The following UBAC2 variants were observed in gnomAD, a reference collection of about 807,000 sequenced individuals.
The protein encoded by UBAC2 is ubiquitin-associated domain-containing protein 2.
A neutral mutation model predicts 44.0 loss-of-function variants in UBAC2; 26 were observed. The ratio of observed to expected loss-of-function variants is 0.59; its 90% CI spans 0.43 to 0.82. The LOEUF (loss-of-function observed/expected upper bound fraction) is 0.82. UBAC2 is among the 40% of genes least tolerant of loss of function. The pLI, the probability that UBAC2 is intolerant of heterozygous loss-of-function variation, is 0.00. For synonymous variants in UBAC2, 155 were observed against 154.3 expected (o/e 1.00, Z -0.04); for missense variants, 329 against 419.4 (o/e 0.78, Z 1.88).
intron 1 of UBAC2, among the ~76,000 whole-genome samples, chr13:99,237,916 C>T (rs2043257665): frequency 6.6e-6 from 1 of 152,202 alleles, no homozygotes; most frequent in Non-Finnish European, 1.5e-5. Flanking sequence ...GATTGCGCCA[C>T]TGCACTCCAG....
intron 7 of UBAC2, among the ~76,000 whole-genome samples, chr13:99,364,793 A>G (rs2045309959): frequency 6.6e-6 from 1 of 152,188 alleles, no homozygotes; most frequent in Non-Finnish European, 1.5e-5. Context: ...TGGTTCATTC[A>G]TTCAAACTGC....
chr13:99,263,284 G>A (rs1424867375), intron 4 of UBAC2, among the ~76,000 whole-genome samples: 2 of 152,150 alleles, frequency 1.3e-5, no homozygotes, highest in Non-Finnish European at 2.9e-5. Context: ...TTTTATAGCT[G>A]GATCCTGGCA....
chr13:99,327,136 T>C (rs1435361465), intron 6 of UBAC2, among the ~76,000 whole-genome samples: 2 of 152,222 alleles, frequency 1.3e-5, no homozygotes, highest in Non-Finnish European at 2.9e-5. Flanking sequence ...AGCTTAAACC[T>C]CACCTTCAGC....
At chr13:99,214,683 T>G (rs1271387426) in intron 1 of UBAC2, among the ~76,000 whole-genome samples, 2 of 152,178 alleles carry the variant, frequency 1.3e-5, no homozygotes, top group Non-Finnish European at 2.9e-5. Flanking sequence ...TCTCTTCTAC[T>G]TTTTTGCAGA....
At chr13:99,327,411 A>C (rs1166064995) in intron 6 of UBAC2, among the ~76,000 whole-genome samples, 1 of 152,160 alleles carries the variant, frequency 6.6e-6, no homozygotes, top group African/African-American at 2.4e-5. Context: ...TCAGGAAATT[A>C]AAATTTTTTC....
intron 4 of UBAC2, among the ~76,000 whole-genome samples, chr13:99,311,123 A>G (rs2044406362): frequency 6.6e-6 from 1 of 152,244 alleles, no homozygotes; most frequent in South Asian, 2.1e-4. Context: ...ACTCTATGCC[A>G]GGCACAATTC....
At chr13:99,273,164 AC>A (rs1387135953) in intron 4 of UBAC2, among the ~76,000 whole-genome samples, 1 of 152,058 alleles carries the variant, frequency 6.6e-6, no homozygotes, top group African/African-American at 2.4e-5. Context: ...ATATTTTATA[AC>A]TTGAGGTTCA....
intron 4 of UBAC2, among the ~76,000 whole-genome samples, chr13:99,280,717 C>T (rs760356537): frequency 6.6e-6 from 1 of 152,156 alleles, no homozygotes; most frequent in African/African-American, 2.4e-5. Flanking sequence ...TGACTGGGAT[C>T]GGTCTGCCAC....
chr13:99,250,072 C>A (rs777024776), intron 4 of UBAC2, among the ~76,000 whole-genome samples: 5 of 152,116 alleles, frequency 3.3e-5, no homozygotes, highest in Non-Finnish European at 5.9e-5. Flanking sequence ...TAAATGGGTC[C>A]CATTTGTCAA....
At chr13:99,352,497 A>G (rs945585247) in intron 7 of UBAC2, among the ~76,000 whole-genome samples, 19 of 152,154 alleles carry the variant, frequency 1.2e-4, no homozygotes, top group Admixed American at 7.9e-4. Context: ...ATGTTGCAGC[A>G]TGGTTGATTT....
At chr13:99,241,743 C>CTTT in intron 2 of UBAC2, among the ~76,000 whole-genome samples, 1 of 123,446 alleles carries the variant, frequency 8.1e-6, no homozygotes. Flanking sequence ...TTTTTTTCAA[C>CTTT]TTTTTTTTTT....
At chr13:99,309,252 AG>A (rs1270250408) in intron 4 of UBAC2, among the ~76,000 whole-genome samples, 1 of 152,116 alleles carries the variant, frequency 6.6e-6, no homozygotes, top group Admixed American at 6.6e-5. Context: ...CTGGGACTAC[AG>A]GCATATGCCA....
intron 1 of UBAC2, among the ~76,000 whole-genome samples, chr13:99,226,418 A>T (rs900902039): frequency 7.2e-5 from 11 of 151,926 alleles, no homozygotes; most frequent in Non-Finnish European, 1.5e-4. Flanking sequence ...CTTCATCTAC[A>T]CCTCCACCCT....
chr13:99,275,733 G>A (rs2043872712), intron 4 of UBAC2, among the ~76,000 whole-genome samples: 1 of 152,004 alleles, frequency 6.6e-6, no homozygotes, highest in African/African-American at 2.4e-5. Context: ...GATGTCAGGA[G>A]TTTTCCTTAC....
At chr13:99,327,308 A>G (rs2044652495) in intron 6 of UBAC2, among the ~76,000 whole-genome samples, 1 of 152,172 alleles carries the variant, frequency 6.6e-6, no homozygotes, top group African/African-American at 2.4e-5. Context: ...GCCAAGAAAC[A>G]CCCGTACTTT....
intron 1 of UBAC2, among the ~76,000 whole-genome samples, chr13:99,220,501 A>G (rs1028164792): frequency 1.6e-4 from 25 of 152,360 alleles, no homozygotes; most frequent in Non-Finnish European, 2.5e-4. Flanking sequence ...AGAAATGACT[A>G]TGTACTTAGG....
intron 7 of UBAC2, among the ~76,000 whole-genome samples, chr13:99,358,525 A>G (rs1414481703): frequency 1.3e-5 from 2 of 152,240 alleles, no homozygotes; most frequent in African/African-American, 4.8e-5. Flanking sequence ...TCAAAAATCT[A>G]TATTTATGTT....
chr13:99,365,043 G>C (rs2045312734), intron 7 of UBAC2, among the ~76,000 whole-genome samples: 2 of 152,182 alleles, frequency 1.3e-5, no homozygotes, highest in Admixed American at 1.3e-4. Context: ...ACCAATGTCT[G>C]TTTTCTCTAG....
At chr13:99,233,680 T>C (rs2043201495) in intron 1 of UBAC2, among the ~76,000 whole-genome samples, 1 of 152,070 alleles carries the variant, frequency 6.6e-6, no homozygotes. Flanking sequence ...TGTAGAGTGA[T>C]ACCGAGATAC....
Sources: allele counts gnomAD v4.1 joint callset (sites outside exome capture counted in the v4.1 genomes callset), GRCh38; gene constraint gnomAD v4.1.1; transcripts MANE v1.5; gene names NCBI Gene and HGNC (gene_info 2026-07-23, HGNC 2026-07-21).